Variants in GOLGA3 observed in about 807,000 individuals in gnomAD.
GOLGA3 encodes golgin A3, also known as golgin subfamily A member 3.
Under a neutral mutation model 169.4 loss-of-function variants are expected in GOLGA3, and 75 were observed. That is an observed-to-expected ratio of 0.44 (90% confidence interval 0.37 to 0.54). The LOEUF is 0.54. Among genes scored for constraint, GOLGA3 ranks in the 20% least tolerant of loss-of-function variants. The pLI is 0.00. For synonymous variants in GOLGA3, 824 were observed against 822.4 expected (o/e 1.00, Z -0.03); for missense variants, 1,899 against 1,930.0 (o/e 0.98, Z 0.30).
rs1168174867 is a variant in GOLGA3, at chr12:132,775,104, A to C, written c.4143+37T>G. On this transcript the variant is annotated intron_variant, in intron 22 of 23. Transcript: ENST00000450791. ...TCCTGTCCGAGAGCATCTACAGCGCACGTCGGCTACCCCGGGAGGGACGCG... is the reference window on the plus strand; with the variant it reads ...TCCTGTCCGAGAGCATCTACAGCGCCCGTCGGCTACCCCGGGAGGGACGCG... 4.4e-6 allele frequency: 7 copies of C among 1,590,582 alleles called. No individual in the cohort carries two copies. In the East Asian group the frequency reaches 1.1e-4, roughly 25 times the overall value.
Position 132,786,419 on chromosome 12 carries a change from C to A in GOLGA3, c.3043G>T (p.Ala1015Ser), listed in dbSNP as rs1451619966. The change falls in exon 15 of 24, where the codon GCG becomes TCG. Residue 1015 changes from alanine to serine, a missense_variant. Coordinates refer to ENST00000450791, the MANE Select transcript of GOLGA3 (RefSeq NM_001389683.1). ...ILSRRLQEALAAKEAADAELG... is the reference protein window; with the variant it reads ...ILSRRLQEALSAKEAADAELG... ...TCCGCGTCCGCAGCCTCCTTGGCCGCGAGGGCCTCCTGCAGGCGGCGGCTG... is the reference window on the plus strand; with the variant it reads ...TCCGCGTCCGCAGCCTCCTTGGCCGAGAGGGCCTCCTGCAGGCGGCGGCTG... 6.2e-7 allele frequency: 1 copy of A among 1,613,254 alleles called. No individual in the cohort carries two copies. The highest frequency in any genetic ancestry group is 1.1e-5 in the South Asian group (1 of 91,042).
chr12:132,783,502 G>A (rs1266267448), intron 16 of GOLGA3, among the ~76,000 whole-genome samples: 1 of 152,216 alleles, frequency 6.6e-6, no homozygotes, highest in African/African-American at 2.4e-5. Flanking sequence ...GGGAGGGGCT[G>A]GGGAGTGGGG....
chr12:132,779,662 TTG>T (rs1325450561), intron 18 of GOLGA3, among the ~76,000 whole-genome samples: 4 of 152,176 alleles, frequency 2.6e-5, no homozygotes, highest in African/African-American at 9.7e-5. Flanking sequence ...CAGTTATTTC[TTG>T]TGTTCCTCCT....
chr12:132,792,323 GAA>G (rs369519444), intron 11 of GOLGA3, among the ~76,000 whole-genome samples: 54 of 152,352 alleles, frequency 3.5e-4, no homozygotes, highest in African/African-American at 1.3e-3. Flanking sequence ...TGCCTGATGG[GAA>G]AAGACTGCAG....
intron 3 of GOLGA3, among the ~76,000 whole-genome samples, chr12:132,816,147 G>A (rs923532177): frequency 1.9e-4 from 29 of 152,180 alleles, no homozygotes; most frequent in African/African-American, 6.3e-4. Flanking sequence ...GCAGTGAGCC[G>A]AGACAGCGCC....
At chr12:132,816,146 C>T (rs1424480787) in intron 3 of GOLGA3, among the ~76,000 whole-genome samples, 2 of 152,040 alleles carry the variant, frequency 1.3e-5, no homozygotes, top group African/African-American at 2.4e-5. Flanking sequence ...TGCAGTGAGC[C>T]GAGACAGCGC....
intron 3 of GOLGA3, 30 bp from the exon 4 acceptor site, chr12:132,813,449 T>C: frequency 8.1e-7 from 1 of 1,237,132 alleles, no homozygotes; most frequent in Non-Finnish European, 1.2e-6. Flanking sequence ...ATTTGGAAAC[T>C]CATAAAATAC....
At chr12:132,780,355 G>A (rs926310242) in intron 18 of GOLGA3, among the ~76,000 whole-genome samples, 7 of 152,202 alleles carry the variant, frequency 4.6e-5, no homozygotes, top group Non-Finnish European at 7.3e-5. Flanking sequence ...GTCAGGATGG[G>A]CCTCTGCTGG....
At position 132,808,387 on chromosome 12, in the gene GOLGA3, G is replaced by A. The variant is rs1408910381; in HGVS notation, c.682C>T (p.Leu228Phe). 2.5e-6 allele frequency: 4 copies of A among 1,613,966 alleles called. No homozygotes were observed. The highest frequency in any genetic ancestry group is 3.4e-6 in the Non-Finnish European group (4 of 1,180,026). Residue 228 changes from leucine (L) to phenylalanine (F), a missense_variant, in exon 5 of 24, where the codon CTT becomes TTT. Physicochemically the swap from Leu to Phe is conservative, Grantham distance 22. Transcript: ENST00000450791. ...TTTTTCTCCCTAGGATGTGCCGGAA[G>A]CCCCAGGCTGCCCACCTTAGGCCCC... Reference protein sequence around the residue: ...PRGPKVGSLGLPAHPREKKTS... With the variant: ...PRGPKVGSLGFPAHPREKKTS...
At chr12:132,806,518 A>AAGCTCCGGACACTGTGAGC (rs1949411180) in intron 6 of GOLGA3, among the ~76,000 whole-genome samples, 1 of 152,222 alleles carries the variant, frequency 6.6e-6, no homozygotes, top group Non-Finnish European at 1.5e-5. Context: ...TTAGCAAGGC[A>AAGCTCCGGACACTGTGAGC]AGCTCCGGAC....
chr12:132,780,043 C>T (rs978966144), intron 18 of GOLGA3, among the ~76,000 whole-genome samples: 1 of 147,248 alleles, frequency 6.8e-6, no homozygotes, highest in African/African-American at 2.5e-5. Flanking sequence ...GCACGGACAC[C>T]CCCCCGCGCA....
At chr12:132,824,508 G>A (rs7137653) in intron 1 of GOLGA3, among the ~76,000 whole-genome samples, 55,989 of 152,076 alleles carry the variant, frequency 0.37, 11,961 homozygotes, top group African/African-American at 0.57. Flanking sequence ...TATAAATCTC[G>A]CATAGCTAAT....
chr12:132,813,273 T>C (rs774122638), intron 4 of GOLGA3, 34 bp downstream of exon 4: 1 of 1,433,272 alleles, frequency 7.0e-7, no homozygotes, highest in Non-Finnish European at 9.8e-7. Flanking sequence ...CACAGGAAGC[T>C]TTCCATGAGC....
chr12:132,798,873 C>T (rs182548076), intron 8 of GOLGA3, among the ~76,000 whole-genome samples: 1 of 152,362 alleles, frequency 6.6e-6, no homozygotes, highest in African/African-American at 2.4e-5. Context: ...AGGGCCTGCC[C>T]TCAGCCAGAC....
At chr12:132,791,668 G>A (rs1362253965) in intron 11 of GOLGA3, among the ~76,000 whole-genome samples, 2 of 138,566 alleles carry the variant, frequency 1.4e-5, no homozygotes, top group Non-Finnish European at 3.1e-5. Flanking sequence ...GCTCCAAGAG[G>A]GGGATGCATG....
chr12:132,822,654 C>T (rs1012031211), intron 1 of GOLGA3, among the ~76,000 whole-genome samples: 1 of 152,218 alleles, frequency 6.6e-6, no homozygotes, highest in Non-Finnish European at 1.5e-5. Context: ...GGCGCGGTGG[C>T]TCACCCCTGT....
chr12:132,823,719 G>A (rs954190655), intron 1 of GOLGA3, among the ~76,000 whole-genome samples: 3 of 151,326 alleles, frequency 2.0e-5, no homozygotes, highest in Admixed American at 6.6e-5. Flanking sequence ...CCTGGGAGGC[G>A]GAGGTTGCAC....
intron 1 of GOLGA3, among the ~76,000 whole-genome samples, chr12:132,824,268 A>T (rs536542988): frequency 3.2e-4 from 49 of 152,234 alleles, no homozygotes; most frequent in Non-Finnish European, 6.5e-4. Flanking sequence ...CCACTGACAC[A>T]GTCAATGACT....
intron 9 of GOLGA3, among the ~76,000 whole-genome samples, chr12:132,796,927 A>T (rs1948869499): frequency 6.6e-6 from 1 of 152,062 alleles, no homozygotes; most frequent in South Asian, 2.1e-4. Context: ...CGTGAGAAGG[A>T]CTTGGACCCA....
Sources: allele counts gnomAD v4.1 joint callset (sites outside exome capture counted in the v4.1 genomes callset), GRCh38; gene constraint gnomAD v4.1.1; transcripts MANE v1.5; gene names NCBI Gene and HGNC (gene_info 2026-07-23, HGNC 2026-07-21).